Variants in SH3GL1 observed in about 807,000 individuals in gnomAD.
SH3GL1 encodes the protein SH3 domain containing GRB2 like 1, endophilin A2.
A neutral mutation model predicts 48.8 loss-of-function variants in SH3GL1; 21 were observed. The ratio of observed to expected loss-of-function variants is 0.43; its 90% confidence interval spans 0.30 to 0.62. The LOEUF is 0.62. Ranked by LOEUF, SH3GL1 falls within the 20% of genes least tolerant of loss-of-function variation. SH3GL1 has a pLI of 0.11. For synonymous variants in SH3GL1, 282 were observed against 217.5 expected, an observed-to-expected ratio of 1.30 and a Z score of -2.61; for missense variants, 454 against 503.0, an observed-to-expected ratio of 0.90 and a Z score of 0.93.
rs1352180395 is a variant in SH3GL1 at position 4,360,703 on chromosome 19, A to T, written c.*897T>A. 2 of 233,288 alleles carry T rather than the reference A, an allele frequency of 8.6e-6. No individual in the cohort carries two copies. Among genetic ancestry groups the T allele is most frequent in the East Asian group, 1.2e-4 (2 of 16,570 alleles). The allele number at this position is 233,288 out of a possible 1,614,324, so 14.5% of individuals were successfully genotyped here. A position where few individuals can be genotyped will look rare whatever the true frequency, so the allele number is the denominator to read the frequency against. On this transcript the variant is annotated 3_prime_UTR_variant, in exon 10 of 10. Transcript: ENST00000269886. ...AGGGTGAAGTGGCAGCGGCTCAGCA[A>T]GGGGAGCCTGGCCACCAGGGGCTGG...
Position 4,367,811 on chromosome 19 carries a change from C to A in SH3GL1, c.46-817G>T, listed in dbSNP as rs1179181769. Among the ~76,000 whole-genome samples the A allele has an allele frequency of 6.6e-6, 1 of 152,262 alleles. No homozygotes were observed. Among genetic ancestry groups the A allele is most frequent in the African/African-American group, 2.4e-5 (1 of 41,468 alleles). ...TGGCGGGAACCACTGAACCCCAGCA[C>A]CGCTGTCTGAGCACAGGCGTTGCTT... is the stretch of plus-strand genomic sequence containing the variant. On this transcript the variant is annotated intron_variant, in intron 1 of 9. Transcript: ENST00000269886. This position sits in a 1 kb window ranked among gnomAD's most constrained non-coding sequence, Gnocchi z 4.2.
intron 1 of SH3GL1, among the ~76,000 whole-genome samples, chr19:4,380,756 G>A (rs1407080633): frequency 1.3e-5 from 2 of 152,140 alleles, no homozygotes; most frequent in African/African-American, 2.4e-5. Flanking sequence ...ATGAGGGGAC[G>A]GTTTTCAAAA....
At chr19:4,363,007 CCT>C (rs988008190) in intron 7 of SH3GL1, among the ~76,000 whole-genome samples, 1 of 152,168 alleles carries the variant, frequency 6.6e-6, no homozygotes, top group Non-Finnish European at 1.5e-5. Context: ...AGTCGCATCC[CCT>C]GCCTCCTCCC....
chr19:4,391,256 A>C (rs912369510), intron 1 of SH3GL1, among the ~76,000 whole-genome samples: 2 of 152,124 alleles, frequency 1.3e-5, no homozygotes, highest in Admixed American at 6.5e-5. Context: ...TGTGTGCTTG[A>C]TAGGTCTGGG....
At chr19:4,383,244 T>C (rs1302645254) in intron 1 of SH3GL1, among the ~76,000 whole-genome samples, 2 of 150,726 alleles carry the variant, frequency 1.3e-5, no homozygotes, top group African/African-American at 4.9e-5. Context: ...AGACCAGGTC[T>C]TGCTCTGTCA....
rs528376224 is a variant in SH3GL1, at chr19:4,363,350, G to C, written c.728+20C>G. ...CGCATGGCAGCCCAGACTCTGGAGA[G>C]ACCAAGGCCCTGGGCTCACCTGCGC... On this transcript the variant is annotated intron_variant, in intron 7 of 9. Coordinates refer to ENST00000269886, the MANE Select transcript of SH3GL1 (RefSeq NM_003025.4). 70 of 1,569,940 alleles carry C rather than the reference G, an allele frequency of 4.5e-5. No homozygotes were observed. The South Asian group carries it at 4.6e-4, about 10-fold the overall frequency.
Position 4,364,368 on chromosome 19 carries a change from C to A in SH3GL1, c.332-147G>T. 3.9e-6 allele frequency: 4 copies of A among 1,020,840 alleles called. No individual in the cohort carries two copies. In the Admixed American group the frequency reaches 6.3e-5, roughly 16 times the overall value. The allele number at this position is 1,020,840 out of a possible 1,614,324, so 63.2% of individuals were successfully genotyped here. The stretch of plus-strand genomic sequence containing the variant: ...CTCACTGCAGGCCTCAAACTGGGCT[C>A]AAGCCATGCTGGCACCTCAGCCTCC... On this transcript the variant is annotated intron_variant, in intron 4 of 9. Transcript: ENST00000269886.
intron 4 of SH3GL1, chr19:4,364,498 T>G (rs1972717019): frequency 2.3e-6 from 1 of 440,786 alleles, no homozygotes; most frequent in South Asian, 2.2e-5. Flanking sequence ...TGGCATGATC[T>G]CAGCTCACTG....
In SH3GL1 at chr19:4,367,785, A is replaced by G. The variant is rs1204638458; in HGVS notation, c.46-791T>C. On this transcript the variant is annotated intron_variant, in intron 1 of 9. Transcript: ENST00000269886. This position sits in a 1 kb window ranked among gnomAD's most constrained non-coding sequence, Gnocchi z 4.2. Reference sequence around the variant, plus strand: ...ACAGCCCTGAAATGTCCCATGGAACATGGCGGGAACCACTGAACCCCAGCA... The same window carrying G: ...ACAGCCCTGAAATGTCCCATGGAACGTGGCGGGAACCACTGAACCCCAGCA... Among the ~76,000 whole-genome samples the G allele has an allele frequency of 2.0e-5, 3 of 152,274 alleles. No homozygotes were observed. The highest frequency in any genetic ancestry group is 4.4e-5 in the Non-Finnish European group (3 of 68,054).
intron 9 of SH3GL1, 24 bp downstream of exon 9, chr19:4,362,299 TGAGGTC>T: frequency 6.2e-7 from 1 of 1,605,740 alleles, no homozygotes; most frequent in Non-Finnish European, 8.5e-7. Context: ...AAGGCAGCAC[TGAGGTC>T]GAGGCGGGCC....
chr19:4,363,683 TAG>T, intron 6 of SH3GL1, 35 bp downstream of exon 6: 1 of 1,611,386 alleles, frequency 6.2e-7, no homozygotes, highest in Non-Finnish European at 8.5e-7. Flanking sequence ...CCCAAGGGCA[TAG>T]GTCTTCTCAG....
In SH3GL1 at chr19:4,366,451, CA is replaced by C. The variant is rs760221953; in HGVS notation, c.187+49del. On this transcript the variant is annotated intron_variant, in intron 3 of 9. Transcript: ENST00000269886. ...GTCATCCCCTGCCTTCCCTCTGACACAGAGGCCAGAGGGCCTGGGGCAGGCC... is the reference window on the plus strand; with the variant it reads ...GTCATCCCCTGCCTTCCCTCTGACACGAGGCCAGAGGGCCTGGGGCAGGCC... 2.8e-6 allele frequency: 4 copies of C among 1,433,746 alleles called. No individual in the cohort carries two copies. The African/African-American group carries it at 4.2e-5, about 15-fold the overall frequency. The allele number at this position is 1,433,746 out of a possible 1,614,324, so 88.8% of individuals were successfully genotyped here. A position where few individuals can be genotyped will look rare whatever the true frequency, so the allele number is the denominator to read the frequency against.
rs973248508 is a variant in SH3GL1 at position 4,389,729 on chromosome 19, G to A, written c.45+10595C>T. Among the ~76,000 whole-genome samples the A allele has an allele frequency of 1.3e-5, 2 of 152,186 alleles. No homozygotes were observed. The highest frequency in any genetic ancestry group is 6.5e-5 in the Admixed American group (1 of 15,276). On this transcript the variant is annotated intron_variant, in intron 1 of 9. Coordinates refer to ENST00000269886, the MANE Select transcript of SH3GL1 (RefSeq NM_003025.4). This position sits in a 1 kb window ranked among gnomAD's most constrained non-coding sequence, Gnocchi z 4.5. ...TCCATGTGATATTTACCGGCTCCCT[G>A]GGGCAGGCCAGCCAGTAAACCAAAC...
Position 4,376,110 on chromosome 19 carries a change from C to T in SH3GL1, c.46-9116G>A, listed in dbSNP as rs1017568155. On this transcript the variant is annotated intron_variant, in intron 1 of 9. Transcript: ENST00000269886. This position sits in a 1 kb window ranked among gnomAD's most constrained non-coding sequence, Gnocchi z 4.3. Reference sequence around the variant, plus strand: ...AGGTGCACAGATCTCAACGAGGGGCCGTGAGTTCCCTCACTCCCTGAGAGC... The same window carrying T: ...AGGTGCACAGATCTCAACGAGGGGCTGTGAGTTCCCTCACTCCCTGAGAGC... Among the ~76,000 whole-genome samples the T allele has an allele frequency of 2.0e-5, 3 of 152,192 alleles. No homozygotes were observed. Among genetic ancestry groups the T allele is most frequent in the Admixed American group, 6.5e-5 (1 of 15,282 alleles).
At chr19:4,386,212 G>A (rs1188262624) in intron 1 of SH3GL1, among the ~76,000 whole-genome samples, 1 of 152,214 alleles carries the variant, frequency 6.6e-6, no homozygotes, top group Non-Finnish European at 1.5e-5. Flanking sequence ...TAGGCTGATG[G>A]ATGCCTGCCT....
chr19:4,380,611 AC>A (rs903262567), intron 1 of SH3GL1, among the ~76,000 whole-genome samples: 23 of 152,078 alleles, frequency 1.5e-4, no homozygotes, highest in Non-Finnish European at 1.5e-5. Context: ...ACTGGAAAAA[AC>A]GTGCGTCAAA....
chr19:4,382,512 C>T (rs1351241872), intron 1 of SH3GL1, among the ~76,000 whole-genome samples: 1 of 151,934 alleles, frequency 6.6e-6, no homozygotes, highest in Non-Finnish European at 1.5e-5. Flanking sequence ...CTGCCTCGGC[C>T]TCCCAAAGTG....
chr19:4,380,308 T>G (rs1973095117), intron 1 of SH3GL1: 1 of 152,424 alleles, frequency 6.6e-6, no homozygotes, highest in Non-Finnish European at 1.5e-5. Flanking sequence ...GAAAGACACG[T>G]AACCCAGGCT....
chr19:4,382,382 C>T (rs1004989284), intron 1 of SH3GL1, among the ~76,000 whole-genome samples: 4 of 151,650 alleles, frequency 2.6e-5, no homozygotes, highest in Non-Finnish European at 5.9e-5. Flanking sequence ...CTCAGCCTCC[C>T]GAGTAGCTGG....
Sources: gnomAD v4.1 joint callset for allele counts (sites outside exome capture counted in the v4.1 genomes callset) on GRCh38, gnomAD v4.1.1 for gene constraint, Gnocchi (gnomAD v3.1) non-coding constraint, MANE v1.5 for transcripts, NCBI Gene and HGNC (gene_info 2026-07-23, HGNC 2026-07-21) for gene names.